The following ARHGAP44 variants were observed in gnomAD, a reference collection of about 807,000 sequenced individuals.
ARHGAP44 encodes rho GTPase-activating protein 44.
In ARHGAP44, 43 loss-of-function variants were observed where a neutral mutation model predicts 106.8. The observed-to-expected ratio is 0.40, with a 90% CI of 0.32 to 0.52. ARHGAP44 has a LOEUF of 0.52. Among genes scored for constraint, ARHGAP44 ranks in the 20% least tolerant of loss-of-function variants. The probability of loss-of-function intolerance (pLI) is 0.48; values close to 1 mark genes in which losing one functional copy is unlikely to be tolerated. For missense variants in ARHGAP44, 866 were observed against 1,050.5 expected, an observed-to-expected ratio of 0.82 and a Z score of 2.43; for synonymous variants, 439 against 410.3, an observed-to-expected ratio of 1.07 and a Z score of -0.85.
chr17:12,809,297 C>G (rs1306900265), intron 1 of ARHGAP44, among the ~76,000 whole-genome samples: 1 of 152,158 alleles, frequency 6.6e-6, no homozygotes, highest in African/African-American at 2.4e-5. Context: ...TACAGCAGAG[C>G]CCCACTCCCG....
intron 4 of ARHGAP44, among the ~76,000 whole-genome samples, chr17:12,913,902 G>T (rs1451053483): frequency 1.4e-5 from 2 of 141,282 alleles, no homozygotes; most frequent in Non-Finnish European, 3.0e-5. Flanking sequence ...CCGGGAGGTG[G>T]AGTTTGTGGT....
At chr17:12,803,205 C>T (rs926403893) in intron 1 of ARHGAP44, among the ~76,000 whole-genome samples, 2 of 151,604 alleles carry the variant, frequency 1.3e-5, no homozygotes, top group Non-Finnish European at 2.9e-5. Context: ...CTCCTGACCT[C>T]AGGTGATCCA....
At chr17:12,825,460 T>G (rs768258378) in intron 1 of ARHGAP44, among the ~76,000 whole-genome samples, 1 of 150,088 alleles carries the variant, frequency 6.7e-6, no homozygotes, top group African/African-American at 2.5e-5. Flanking sequence ...GAGAGAGAGA[T>G]TGATTGATTT....
In ARHGAP44 at chr17:12,991,340, A is replaced by G. The variant is rs2040139257; in HGVS notation, c.*1169A>G. The G allele has an allele frequency of 6.5e-6, 1 of 153,236 alleles. No homozygotes were observed. The highest frequency in any genetic ancestry group is 6.5e-5 in the Admixed American group (1 of 15,294). 9.5% of individuals were successfully genotyped at this position (153,236 alleles called of 1,614,324 possible). A position where few individuals can be genotyped will look rare whatever the true frequency, so the allele number is the denominator to read the frequency against. On this transcript the variant is annotated 3_prime_UTR_variant, in exon 21 of 21. Coordinates refer to ENST00000379672, the MANE Select transcript of ARHGAP44 (RefSeq NM_014859.6). Reference sequence around the variant, plus strand: ...CCTATACATGATATAATATTTGTATATATGAAATCTCTCTATATTTGTTTA... The same window carrying G: ...CCTATACATGATATAATATTTGTATGTATGAAATCTCTCTATATTTGTTTA...
intron 1 of ARHGAP44, among the ~76,000 whole-genome samples, chr17:12,804,753 A>G (rs2034222475): frequency 6.6e-6 from 1 of 152,208 alleles, no homozygotes; most frequent in South Asian, 2.1e-4. Flanking sequence ...GTGCTGGTTC[A>G]CACTGAGGTA....
intron 3 of ARHGAP44, among the ~76,000 whole-genome samples, chr17:12,903,083 TGAGAGAGAGAGAG>T (rs2037422030): frequency 4.3e-5 from 3 of 70,116 alleles, no homozygotes; most frequent in African/African-American, 1.5e-4. Context: ...AGGGAATATA[TGAGAGAGAGAGAG>T]AGAGAGAGAG....
chr17:12,823,323 T>C (rs1489809922), intron 1 of ARHGAP44, among the ~76,000 whole-genome samples: 1 of 152,196 alleles, frequency 6.6e-6, no homozygotes, highest in East Asian at 1.9e-4. Flanking sequence ...TCACATCCTT[T>C]TGTCAGATCA....
chr17:12,791,038 TG>T (rs543590254), intron 1 of ARHGAP44, among the ~76,000 whole-genome samples: 3 of 152,068 alleles, frequency 2.0e-5, no homozygotes, highest in Non-Finnish European at 4.4e-5. Context: ...TCTGGTAGGA[TG>T]GGGGTGGGGA....
intron 13 of ARHGAP44, among the ~76,000 whole-genome samples, chr17:12,955,328 G>T (rs1005294813): frequency 1.3e-5 from 2 of 152,048 alleles, no homozygotes; most frequent in Non-Finnish European, 2.9e-5. Context: ...GAACATTCAT[G>T]TACAAATTTG....
At chr17:12,827,802 G>A (rs2034964600) in intron 1 of ARHGAP44, among the ~76,000 whole-genome samples, 1 of 151,946 alleles carries the variant, frequency 6.6e-6, no homozygotes, top group Non-Finnish European at 1.5e-5. Flanking sequence ...GTCTCTTACT[G>A]CCAAGATGGG....
chr17:12,913,968 CAAAAAA>C (rs58231055), intron 4 of ARHGAP44, among the ~76,000 whole-genome samples: 1 of 63,444 alleles, frequency 1.6e-5, no homozygotes, highest in African/African-American at 5.5e-5. Flanking sequence ...GATTTTGTCT[CAAAAAA>C]AAAAAAAAAA....
At chr17:12,857,715 C>T (rs1030469641) in intron 1 of ARHGAP44, among the ~76,000 whole-genome samples, 3 of 152,122 alleles carry the variant, frequency 2.0e-5, no homozygotes, top group Admixed American at 2.0e-4. Flanking sequence ...CCGTATTTTC[C>T]ATAACAGGAT....
At chr17:12,859,543 C>T (rs778265910) in intron 1 of ARHGAP44, among the ~76,000 whole-genome samples, 40 of 152,306 alleles carry the variant, frequency 2.6e-4, no homozygotes, top group Non-Finnish European at 5.0e-4. Context: ...TTTGGTTTGG[C>T]GCTGGGGCCT....
chr17:12,790,832 C>T (rs2033729008), intron 1 of ARHGAP44: 1 of 152,156 alleles, frequency 6.6e-6, no homozygotes, highest in African/African-American at 2.4e-5. Flanking sequence ...TTTCCTGGAA[C>T]CCCTACTCCT....
In ARHGAP44 at chr17:12,928,971, A is replaced by G; in HGVS notation, c.507A>G (p.Leu169=). Residue 169 remains leucine (L), a synonymous_variant, in exon 7 of 21, where the codon TTA becomes TTG. Transcript: ENST00000379672. ...TSKSSGLSSS[L]QPAGAKADAL... is the part of the protein sequence containing the mutation. The stretch of plus-strand genomic sequence containing the variant: ...AGTCTTCAGGTTTGTCCAGCAGCTT[A>G]CAGCCTGCGGGTGCCAAGGCTGATG... 1 of 1,613,498 alleles carries G rather than the reference A, an allele frequency of 6.2e-7. No individual in the cohort carries two copies.
chr17:12,789,773 C>G lies in ARHGAP44; in HGVS notation c.-66C>G. 7.1e-7 allele frequency: 1 copy of G among 1,409,742 alleles called. No homozygotes were observed. Among genetic ancestry groups the G allele is most frequent in the Non-Finnish European group, 9.3e-7 (1 of 1,076,084 alleles). The allele number at this position is 1,409,742 out of a possible 1,614,324, so 87.3% of individuals were successfully genotyped here. ...GGCTCCGCGCGGGAGCCATGTAACC[C>G]TGCGGCGGGCTCCGGGCTGCTCCGT... On this transcript the variant is annotated 5_prime_UTR_variant, in exon 1 of 21. Transcript: ENST00000379672.
At chr17:12,840,053 C>T (rs1385209562) in intron 1 of ARHGAP44, among the ~76,000 whole-genome samples, 4 of 152,156 alleles carry the variant, frequency 2.6e-5, no homozygotes. Context: ...TACATTTTAC[C>T]TATTGCCATT....
chr17:12,833,329 C>T (rs561480623), intron 1 of ARHGAP44, among the ~76,000 whole-genome samples: 1 of 152,264 alleles, frequency 6.6e-6, no homozygotes, highest in East Asian at 1.9e-4. Flanking sequence ...TCATCATAGT[C>T]CTGATGACAT....
chr17:12,908,918 C>T lies in ARHGAP44; in HGVS notation c.220C>T (p.Leu74=). ...KRSKKLPLTT[L]AQCLMEGSAI... ...TCAGAAAAAGTTGCCTTTGACAACA[C>T]TGGCTCAGTGTCTGATGGAGGGGTC... Residue 74 remains leucine, a synonymous_variant, in exon 4 of 21, where the codon CTG becomes TTG. Transcript: ENST00000379672. 1.2e-6 allele frequency: 2 copies of T among 1,605,902 alleles called. No individual in the cohort carries two copies. Among genetic ancestry groups the T allele is most frequent in the Non-Finnish European group, 1.7e-6 (2 of 1,177,718 alleles).
Sources: gnomAD v4.1 joint callset for allele counts (sites outside exome capture counted in the v4.1 genomes callset) on GRCh38, gnomAD v4.1.1 for gene constraint, MANE v1.5 for transcripts, NCBI Gene and HGNC (gene_info 2026-07-23, HGNC 2026-07-21) for gene names.